Variants in PLXDC2 observed in about 807,000 individuals in gnomAD.
PLXDC2 encodes plexin domain containing 2.
PLXDC2 carries 40 observed loss-of-function variants against 68.9 expected under a neutral mutation model. The ratio of observed to expected loss-of-function variants is 0.58; its 90% CI spans 0.45 to 0.76. PLXDC2 has a LOEUF of 0.76. PLXDC2 is among the 30% of genes least tolerant of loss of function. The probability of loss-of-function intolerance (pLI) is 0.00; values close to 1 mark genes in which losing one functional copy is unlikely to be tolerated. For synonymous variants in PLXDC2, 243 were observed against 234.2 expected, an observed-to-expected ratio of 1.04 and a Z score of -0.34; for missense variants, 644 against 661.9, an observed-to-expected ratio of 0.97 and a Z score of 0.30.
intron 1 of PLXDC2, among the ~76,000 whole-genome samples, chr10:19,985,214 A>G (rs1279144388): frequency 1.2e-4 from 18 of 152,216 alleles, no homozygotes. Flanking sequence ...TTTATGGCCA[A>G]TAAGCCACCA....
intron 1 of PLXDC2, among the ~76,000 whole-genome samples, chr10:19,934,282 A>G (rs1372400843): frequency 1.3e-5 from 2 of 152,356 alleles, no homozygotes; most frequent in East Asian, 3.9e-4. Context: ...ATTCTTGAGA[A>G]AGAAATGATA....
intron 4 of PLXDC2, among the ~76,000 whole-genome samples, chr10:20,103,055 C>G (rs34478812): frequency 5.9e-5 from 9 of 151,842 alleles, no homozygotes; most frequent in Non-Finnish European, 1.3e-4. Flanking sequence ...GTCAAGAAGG[C>G]GATAACTATG....
At chr10:20,084,361 G>A (rs1159391017) in intron 4 of PLXDC2, among the ~76,000 whole-genome samples, 2 of 152,166 alleles carry the variant, frequency 1.3e-5, no homozygotes, top group South Asian at 4.1e-4. Flanking sequence ...GAGGCACCCT[G>A]TCTTTGAGTA....
At chr10:20,241,406 G>A (rs1304481327) in intron 12 of PLXDC2, among the ~76,000 whole-genome samples, 1 of 152,072 alleles carries the variant, frequency 6.6e-6, no homozygotes, top group African/African-American at 2.4e-5. Context: ...AGCAAGTTCT[G>A]GTCCTCCAGC....
At chr10:20,245,600 C>T (rs1484582730) in intron 13 of PLXDC2, 95 bp downstream of exon 13, 1 of 1,378,148 alleles carries the variant, frequency 7.3e-7, no homozygotes, top group Non-Finnish European at 9.9e-7. Context: ...CACATGGCTT[C>T]TCCATTTTTC....
At chr10:20,245,886 A>G (rs1835588106) in intron 13 of PLXDC2, among the ~76,000 whole-genome samples, 1 of 152,178 alleles carries the variant, frequency 6.6e-6, no homozygotes, top group African/African-American at 2.4e-5. Flanking sequence ...TTGCTCAGTA[A>G]ATGCTAATTG....
chr10:20,043,751 A>G (rs563421594), intron 2 of PLXDC2, among the ~76,000 whole-genome samples: 5 of 152,212 alleles, frequency 3.3e-5, no homozygotes, highest in East Asian at 3.9e-4. Context: ...AACACCGTGA[A>G]TATTTTCTTC....
intron 1 of PLXDC2, among the ~76,000 whole-genome samples, chr10:19,897,028 C>A (rs1437013536): frequency 6.6e-6 from 1 of 150,386 alleles, no homozygotes; most frequent in Non-Finnish European, 1.5e-5. Context: ...CATTTCTTTA[C>A]TGCAGTCCCC....
chr10:20,217,030 T>G (rs771538540), intron 10 of PLXDC2, among the ~76,000 whole-genome samples: 4 of 152,238 alleles, frequency 2.6e-5, no homozygotes, highest in Non-Finnish European at 5.9e-5. Flanking sequence ...AGGAATGCAC[T>G]TTTTCTCCAC....
intron 13 of PLXDC2, among the ~76,000 whole-genome samples, chr10:20,246,859 C>CA (rs1332979282): frequency 7.2e-5 from 11 of 151,832 alleles, no homozygotes; most frequent in Non-Finnish European, 1.3e-4. Flanking sequence ...TTTTTAATGA[C>CA]TTTTAAACTA....
At chr10:19,878,512 T>C (rs1054085926) in intron 1 of PLXDC2, among the ~76,000 whole-genome samples, 10 of 152,206 alleles carry the variant, frequency 6.6e-5, no homozygotes, top group African/African-American at 1.4e-4. Context: ...ATAATTTTTT[T>C]CTGTGAATGA....
intron 1 of PLXDC2, among the ~76,000 whole-genome samples, chr10:19,833,619 G>A (rs933168141): frequency 1.3e-5 from 2 of 152,190 alleles, no homozygotes; most frequent in Non-Finnish European, 2.9e-5. Context: ...ATTCTGCCGC[G>A]TCATCTACTT....
intron 9 of PLXDC2, among the ~76,000 whole-genome samples, chr10:20,205,480 A>G (rs1473778969): frequency 2.0e-5 from 3 of 152,132 alleles, no homozygotes; most frequent in Non-Finnish European, 4.4e-5. Context: ...CCCATATGTG[A>G]GAGCAACTTA....
At chr10:19,974,401 G>A (rs1564644555) in intron 1 of PLXDC2, among the ~76,000 whole-genome samples, 1 of 152,212 alleles carries the variant, frequency 6.6e-6, no homozygotes, top group African/African-American at 2.4e-5. Context: ...TGAAATGTTG[G>A]TGACAAAGCA....
At chr10:19,953,525 G>A (rs1233842781) in intron 1 of PLXDC2, among the ~76,000 whole-genome samples, 1 of 152,122 alleles carries the variant, frequency 6.6e-6, no homozygotes, top group African/African-American at 2.4e-5. Flanking sequence ...AACAGAAACA[G>A]GTCTAGCAAA....
At chr10:19,915,811 C>A (rs1243670011) in intron 1 of PLXDC2, among the ~76,000 whole-genome samples, 3 of 151,724 alleles carry the variant, frequency 2.0e-5, no homozygotes, top group Admixed American at 6.6e-5. Flanking sequence ...CCTTCTGGAA[C>A]TGGAAGTCCT....
intron 1 of PLXDC2, among the ~76,000 whole-genome samples, chr10:19,986,563 AG>A (rs1834644324): frequency 8.0e-6 from 1 of 125,462 alleles, no homozygotes; most frequent in Non-Finnish European, 1.9e-5. Flanking sequence ...AAAAAGAAAA[AG>A]ACATACAAAA....
At chr10:20,091,144 T>A (rs1050311848) in intron 4 of PLXDC2, among the ~76,000 whole-genome samples, 13 of 152,216 alleles carry the variant, frequency 8.5e-5, no homozygotes, top group Non-Finnish European at 1.9e-4. Flanking sequence ...TCCACCAGCA[T>A]GTTTGGGCAT....
intron 9 of PLXDC2, among the ~76,000 whole-genome samples, chr10:20,203,890 C>A (rs1484183731): frequency 6.6e-6 from 1 of 152,118 alleles, no homozygotes; most frequent in Admixed American, 6.6e-5. Flanking sequence ...TTCTTATGAA[C>A]ATTGGATTAT....
Sources: gnomAD v4.1 joint callset for allele counts (sites outside exome capture counted in the v4.1 genomes callset) on GRCh38, gnomAD v4.1.1 for gene constraint, MANE v1.5 for transcripts, NCBI Gene and HGNC (gene_info 2026-07-23, HGNC 2026-07-21) for gene names.